Variants in EML1 observed in about 807,000 individuals in gnomAD.
EML1 encodes the protein EMAP like 1, also known as echinoderm microtubule-associated protein-like 1.
In EML1, 27 loss-of-function variants were observed where a neutral mutation model predicts 110.4. That is an observed-to-expected ratio of 0.24 (90% CI 0.18 to 0.34). The LOEUF (loss-of-function observed/expected upper bound fraction) is 0.34. Among genes scored for constraint, EML1 ranks in the 10% least tolerant of loss-of-function variants. The pLI, the probability that EML1 is intolerant of heterozygous loss-of-function variation, is 1.00. For synonymous variants in EML1, 344 were observed against 385.8 expected (o/e 0.89, Z 1.27); for missense variants, 741 against 1,030.9 (o/e 0.72, Z 3.85).
At chr14:99,816,130 G>A (rs1383068051) in intron 1 of EML1, among the ~76,000 whole-genome samples, 1 of 152,192 alleles carries the variant, frequency 6.6e-6, no homozygotes, top group Non-Finnish European at 1.5e-5. Flanking sequence ...TCTGTGGTCA[G>A]AGAGATCCGA....
At chr14:99,885,386 G>C (rs542913924) in intron 4 of EML1, among the ~76,000 whole-genome samples, 4 of 152,112 alleles carry the variant, frequency 2.6e-5, no homozygotes, top group Non-Finnish European at 5.9e-5. Flanking sequence ...TTAAATATTG[G>C]TGTATCTAAA....
intron 1 of EML1, among the ~76,000 whole-genome samples, chr14:99,820,948 C>T (rs2058250977): frequency 6.6e-6 from 1 of 151,968 alleles, no homozygotes; most frequent in Admixed American, 6.6e-5. Context: ...TGCCCGCCCC[C>T]AATTGCATTT....
At chr14:99,758,205 G>C (rs149068375) in intron 1 of EML1, among the ~76,000 whole-genome samples, 4 of 152,190 alleles carry the variant, frequency 2.6e-5, no homozygotes, top group Admixed American at 1.3e-4. Context: ...CACTGTGTTC[G>C]AGAGTCAACG....
chr14:99,839,414 C>CA (rs2058598101), intron 1 of EML1, among the ~76,000 whole-genome samples: 1 of 152,190 alleles, frequency 6.6e-6, no homozygotes, highest in African/African-American at 2.4e-5. Context: ...GGGAAGATCG[C>CA]ATTGCCCGGC....
chr14:99,826,489 G>A (rs866337760), intron 1 of EML1, among the ~76,000 whole-genome samples: 2 of 152,124 alleles, frequency 1.3e-5, no homozygotes, highest in Non-Finnish European at 2.9e-5. Flanking sequence ...AGAAGGGTTA[G>A]AATTCTAGTC....
intron 1 of EML1, among the ~76,000 whole-genome samples, chr14:99,824,617 T>C (rs1207024905): frequency 6.6e-6 from 1 of 152,070 alleles, no homozygotes; most frequent in Non-Finnish European, 1.5e-5. Context: ...TAAAAATCGC[T>C]TTAGGGGTAC....
intron 1 of EML1, among the ~76,000 whole-genome samples, chr14:99,766,581 A>G (rs953146582): frequency 3.3e-5 from 5 of 152,210 alleles, no homozygotes; most frequent in African/African-American, 9.6e-5. Flanking sequence ...TCCCAACAGC[A>G]GCTGAGGAAG....
intron 17 of EML1, among the ~76,000 whole-genome samples, chr14:99,930,590 C>T (rs1403758396): frequency 1.3e-5 from 2 of 152,188 alleles, no homozygotes; most frequent in Non-Finnish European, 1.5e-5. Context: ...TTATCACAAC[C>T]AGTCAGCTAA....
intron 1 of EML1, among the ~76,000 whole-genome samples, chr14:99,745,230 T>C (rs8018045): frequency 0.23 from 35,701 of 152,088 alleles, 4,343 homozygotes; most frequent in South Asian, 0.29. Context: ...CACACCTGGC[T>C]AATTTTTGTA....
rs565284357 is a variant in EML1, at chr14:99,750,086, T to C, written c.28+12226T>C. On this transcript the variant is annotated intron_variant, in intron 1 of 10. Transcript: ENST00000554479. ...GAGGTGCCGATGGTCAGGCCGATTG[T>C]GTGGCCGTCACCTGAGCCTGGAGCC... is the stretch of plus-strand genomic sequence containing the variant. Among the ~76,000 whole-genome samples the C allele has an allele frequency of 8.5e-5, 13 of 152,314 alleles. No individual in the cohort carries two copies. In the East Asian group the frequency reaches 2.3e-3, roughly 27 times the overall value.
intron 1 of EML1, among the ~76,000 whole-genome samples, chr14:99,785,442 AGGCAAGAGAT>A (rs2057588525): frequency 1.3e-5 from 2 of 152,208 alleles, no homozygotes. Flanking sequence ...AGCCTAAGAA[AGGCAAGAGAT>A]GGCAAGAGAC....
At chr14:99,891,349 A>G (rs902778605) in intron 5 of EML1, 122 bp downstream of exon 5, 8 of 1,237,732 alleles carry the variant, frequency 6.5e-6, no homozygotes, top group East Asian at 4.7e-5. Flanking sequence ...TGGTTTGTGC[A>G]GGCCCAGATG....
intron 5 of EML1, among the ~76,000 whole-genome samples, chr14:99,892,469 C>T (rs2059604390): frequency 6.6e-6 from 1 of 152,136 alleles, no homozygotes; most frequent in South Asian, 2.1e-4. Context: ...TAGGGCCACC[C>T]CTGGATGTCC....
intron 4 of EML1, among the ~76,000 whole-genome samples, chr14:99,885,079 C>T (rs1329813089): frequency 6.6e-6 from 1 of 152,232 alleles, no homozygotes; most frequent in Non-Finnish European, 1.5e-5. Flanking sequence ...AGGCCCAGGC[C>T]GTGCCATTCT....
rs886037935 is a variant in EML1 at position 99,878,513 on chromosome 14, C to T, written c.412C>T (p.Arg138Ter). The T allele has an allele frequency of 1.2e-6, 2 of 1,613,864 alleles. No individual in the cohort carries two copies. Among genetic ancestry groups the T allele is most frequent in the South Asian group, 1.1e-5 (1 of 91,030 alleles). The change falls in exon 4 of 22, where the codon CGA becomes TGA. Residue 138 changes from arginine to a stop codon, truncating the protein, a stop_gained. Coordinates refer to ENST00000262233, the MANE Select transcript of EML1 (RefSeq NM_004434.3). LOFTEE classifies it high-confidence loss of function. ...SNIKRTSSSE[R>*]VSPGGRRESN... is the part of the protein sequence containing the mutation. ...CATCAAGAGGACCAGCTCTTCTGAA[C>T]GAGTGTCTCCTGGGGGTCGAAGGGA...
At chr14:99,850,427 G>C in intron 1 of EML1, 1 of 1,050,504 alleles carries the variant, frequency 9.5e-7, no homozygotes, top group South Asian at 1.4e-5. Flanking sequence ...GGGTGGCCTT[G>C]TGATTGTATG....
intron 1 of EML1, among the ~76,000 whole-genome samples, chr14:99,821,559 C>T (rs1466178833): frequency 6.6e-6 from 1 of 151,942 alleles, no homozygotes; most frequent in Non-Finnish European, 1.5e-5. Context: ...CCATATGATA[C>T]AGGTGAGGAA....
intron 11 of EML1, 103 bp from the exon 12 acceptor site, chr14:99,910,139 C>A: frequency 1.3e-6 from 1 of 799,436 alleles, no homozygotes; most frequent in African/African-American, 1.7e-5. Flanking sequence ...AGCTTGGGAC[C>A]ACTGCGAATC....
intron 1 of EML1, among the ~76,000 whole-genome samples, chr14:99,798,267 A>T (rs1336449935): frequency 6.6e-6 from 1 of 152,014 alleles, no homozygotes. Context: ...CTTCATCTAC[A>T]CCTGTTTCCT....
Sources: gnomAD v4.1 joint callset for allele counts (sites outside exome capture counted in the v4.1 genomes callset) on GRCh38, gnomAD v4.1.1 for gene constraint, MANE v1.5 for transcripts, NCBI Gene and HGNC (gene_info 2026-07-23, HGNC 2026-07-21) for gene names.